Variants in CEP83 observed in about 807,000 individuals in gnomAD.
The protein encoded by CEP83 is centrosomal protein of 83 kDa.
In CEP83, 70 loss-of-function variants were observed where a neutral mutation model predicts 101.9. The observed-to-expected ratio is 0.69, with a 90% CI of 0.57 to 0.84. CEP83 has a LOEUF of 0.84. Ranked by LOEUF, CEP83 falls within the 40% of genes least tolerant of loss-of-function variation. CEP83 has a pLI of 0.00. For synonymous variants in CEP83, 264 were observed against 267.9 expected, an observed-to-expected ratio of 0.99 and a Z score of 0.14; for missense variants, 715 against 787.2, an observed-to-expected ratio of 0.91 and a Z score of 1.10.
chr12:94,351,489 A>G (rs757438772), intron 11 of CEP83, among the ~76,000 whole-genome samples: 5 of 152,186 alleles, frequency 3.3e-5, no homozygotes, highest in Non-Finnish European at 7.3e-5. Context: ...TAATCATGCC[A>G]CAATCAAATA....
At chr12:94,302,625 G>A (rs957652578), downstream of CEP83, among the ~76,000 whole-genome samples, 1 of 152,122 alleles carries the variant, frequency 6.6e-6, no homozygotes, top group African/African-American at 2.4e-5. Context: ...TACCAAATAA[G>A]GTAGTTATTA....
intron 2 of CEP83, chr12:94,424,132 G>C: frequency 3.7e-6 from 6 of 1,603,944 alleles, no homozygotes; most frequent in South Asian, 1.1e-5. Flanking sequence ...GGTATGGGGA[G>C]AGTGCAGACC....
intron 11 of CEP83, among the ~76,000 whole-genome samples, chr12:94,341,966 G>A (rs2059706481): frequency 6.6e-6 from 1 of 152,100 alleles, no homozygotes. Flanking sequence ...TGCCTGGGGA[G>A]GGTCTACCCC....
intron 7 of CEP83, among the ~76,000 whole-genome samples, chr12:94,377,943 A>T (rs1401970968): frequency 6.6e-6 from 1 of 152,178 alleles, no homozygotes; most frequent in Admixed American, 6.5e-5. Context: ...CAAAATAAAA[A>T]GTAACTTCTA....
chr12:94,404,299 T>C (rs922120485), intron 4 of CEP83, among the ~76,000 whole-genome samples: 2 of 152,056 alleles, frequency 1.3e-5, no homozygotes, highest in African/African-American at 4.8e-5. Flanking sequence ...AAAACACATT[T>C]AGGATAGAAG....
At chr12:94,318,765 C>T (rs2136346889) in intron 14 of CEP83, among the ~76,000 whole-genome samples, 1 of 152,240 alleles carries the variant, frequency 6.6e-6, no homozygotes, top group Non-Finnish European at 1.5e-5. Context: ...ATAAAACCTA[C>T]ATAATCATGG....
the CEP83 span, among the ~76,000 whole-genome samples, chr12:94,293,994 G>A: frequency 7.9e-5 from 12 of 152,122 alleles, no homozygotes; most frequent in African/African-American, 2.9e-4. Flanking sequence ...CCTCCCAAAG[G>A]CCCTACCTCC....
chr12:94,438,276 A>G (rs1027301353), intron 1 of CEP83, among the ~76,000 whole-genome samples: 2 of 152,080 alleles, frequency 1.3e-5, no homozygotes, highest in African/African-American at 2.4e-5. Context: ...AAATCTACCA[A>G]GTATCTGCTG....
chr12:94,378,109 C>T (rs1407431754), intron 7 of CEP83, among the ~76,000 whole-genome samples: 2 of 151,796 alleles, frequency 1.3e-5, no homozygotes, highest in Admixed American at 6.6e-5. Context: ...GAAAAAGAAA[C>T]ACTTTGAACT....
intron 6 of CEP83, among the ~76,000 whole-genome samples, chr12:94,392,798 C>A (rs1327835904): frequency 6.6e-6 from 1 of 152,092 alleles, no homozygotes; most frequent in Non-Finnish European, 1.5e-5. Flanking sequence ...GGGGATATCG[C>A]CACCGATCCC....
At chr12:94,415,447 G>A (rs7954306) in intron 2 of CEP83, among the ~76,000 whole-genome samples, 3,950 of 152,002 alleles carry the variant, frequency 0.026, 190 homozygotes, top group African/African-American at 0.091. Flanking sequence ...TTGTTTATAG[G>A]TTTGTCTTAA....
At chr12:94,436,183 C>T (rs1234909452) in intron 1 of CEP83, among the ~76,000 whole-genome samples, 1 of 152,042 alleles carries the variant, frequency 6.6e-6, no homozygotes, top group Non-Finnish European at 1.5e-5. Context: ...TTTGATAACA[C>T]CCCCAAAAGA....
At chr12:94,456,118 G>A (rs2067659633) in intron 1 of CEP83, among the ~76,000 whole-genome samples, 1 of 151,738 alleles carries the variant, frequency 6.6e-6, no homozygotes. Flanking sequence ...ACCTAGAGAG[G>A]GCAGTCCTGA....
chr12:94,329,265 TTTAA>T (rs755786680), intron 14 of CEP83, among the ~76,000 whole-genome samples: 4 of 152,048 alleles, frequency 2.6e-5, no homozygotes, highest in Non-Finnish European at 5.9e-5. Context: ...GGTTTTTTTG[TTTAA>T]TTATTATTTT....
chr12:94,286,135 T>A, the CEP83 span, among the ~76,000 whole-genome samples: 1 of 152,224 alleles, frequency 6.6e-6, no homozygotes, highest in African/African-American at 2.4e-5. Flanking sequence ...ATGAAATTAA[T>A]CCGGCCTGTA....
At chr12:94,350,231 C>A (rs2060137730) in intron 11 of CEP83, among the ~76,000 whole-genome samples, 1 of 152,090 alleles carries the variant, frequency 6.6e-6, no homozygotes, top group Non-Finnish European at 1.5e-5. Flanking sequence ...TTCCTTATTT[C>A]AAAATTTATT....
chr12:94,331,826 TG>T lies in CEP83; in HGVS notation c.1580del (p.Thr527AsnfsTer52). 3.7e-6 allele frequency: 6 copies of T among 1,611,862 alleles called. No individual in the cohort carries two copies. Among genetic ancestry groups the T allele is most frequent in the Non-Finnish European group, 5.1e-6 (6 of 1,177,956 alleles). ...AEKAQLEAEKTLEEKQIQWLE... is the reference protein window; with the variant it reads ...AEKAQLEAEKXLEEKQIQWLE... ...ACCACTGTATCTGTTTCTCTTCCAA[TG>T]TCCTGTCAGAAGAATGTATGTAAAA... is the stretch of plus-strand genomic sequence containing the variant. On this transcript the variant is annotated frameshift_variant and splice_region_variant, in exon 14 of 17. Transcript: ENST00000397809. LOFTEE classifies it high-confidence loss of function.
At chr12:94,298,748 C>T in the CEP83 span, 3 of 1,611,594 alleles carry the variant, frequency 1.9e-6, no homozygotes, top group African/African-American at 2.7e-5. Context: ...AGGCTGAAAA[C>T]AAAAAAATCA....
chr12:94,308,583 C>T lies in CEP83; in HGVS notation c.*230G>A, dbSNP rs1216027789. 1 of 301,520 alleles carries T rather than the reference C, an allele frequency of 3.3e-6. No homozygotes were observed. 18.7% of individuals were successfully genotyped at this position (301,520 alleles called of 1,614,324 possible). A position where few individuals can be genotyped will look rare whatever the true frequency, so the allele number is the denominator to read the frequency against. On this transcript the variant is annotated 3_prime_UTR_variant, in exon 17 of 17. Coordinates refer to ENST00000397809, the MANE Select transcript of CEP83 (RefSeq NM_016122.3). ...TCCTTTTTGTTTTACATTCTCAAACCATTGTCAAATATTCTAAATATCTCT... is the reference window on the plus strand; with the variant it reads ...TCCTTTTTGTTTTACATTCTCAAACTATTGTCAAATATTCTAAATATCTCT...
Sources: allele counts gnomAD v4.1 joint callset (sites outside exome capture counted in the v4.1 genomes callset), GRCh38; gene constraint gnomAD v4.1.1; transcripts MANE v1.5; gene names NCBI Gene and HGNC (gene_info 2026-07-23, HGNC 2026-07-21).